Variants in ZBTB20 observed in about 807,000 individuals in gnomAD.
ZBTB20 encodes the protein zinc finger and BTB domain-containing protein 20.
In ZBTB20, 9 loss-of-function variants were observed where a neutral mutation model predicts 56.9. The observed-to-expected ratio is 0.16, with a 90% CI of 0.10 to 0.28. ZBTB20 has a LOEUF of 0.28. Among genes scored for constraint, ZBTB20 ranks in the 10% least tolerant of loss-of-function variants. ZBTB20 has a pLI of 1.00. For missense variants in ZBTB20, 655 were observed against 1,003.0 expected (o/e 0.65, Z 4.69); for synonymous variants, 417 against 420.7 (o/e 0.99, Z 0.11).
intron 6 of ZBTB20, among the ~76,000 whole-genome samples, chr3:114,628,586 A>C (rs964443430): frequency 2.0e-5 from 3 of 152,118 alleles, no homozygotes; most frequent in African/African-American, 7.2e-5. Flanking sequence ...TTTCACCTCC[A>C]CCACCCATTG....
intron 3 of ZBTB20, among the ~76,000 whole-genome samples, chr3:114,966,557 C>T (rs1057457022): frequency 2.0e-5 from 3 of 151,860 alleles, no homozygotes; most frequent in South Asian, 2.1e-4. Context: ...TTTATTTTAT[C>T]GGTGTGTAGG....
chr3:114,467,886 G>T (rs1292684178), intron 7 of ZBTB20, among the ~76,000 whole-genome samples: 1 of 152,268 alleles, frequency 6.6e-6, no homozygotes, highest in Admixed American at 6.5e-5. Flanking sequence ...TGTGCTAAAC[G>T]CTGGGATCAG....
At chr3:115,032,974 A>AAC (rs1388817940) in intron 2 of ZBTB20, among the ~76,000 whole-genome samples, 3 of 149,910 alleles carry the variant, frequency 2.0e-5, no homozygotes, top group African/African-American at 7.3e-5. Context: ...AAAAAAAAAA[A>AAC]AAACAAACTA....
intron 7 of ZBTB20, among the ~76,000 whole-genome samples, chr3:114,442,791 CT>C: frequency 6.6e-6 from 1 of 152,254 alleles, no homozygotes; most frequent in Non-Finnish European, 1.5e-5. Flanking sequence ...TCAGAGTCCA[CT>C]TTGTATGTTG....
chr3:115,141,600 C>G (rs567784838), intron 1 of ZBTB20, among the ~76,000 whole-genome samples: 1 of 152,270 alleles, frequency 6.6e-6, no homozygotes, highest in East Asian at 1.9e-4. Context: ...AGTAGGGTGA[C>G]TGACCCAGTG....
chr3:114,951,444 C>T (rs2077064268), intron 3 of ZBTB20, among the ~76,000 whole-genome samples: 1 of 152,024 alleles, frequency 6.6e-6, no homozygotes, highest in Admixed American at 6.6e-5. Context: ...ATTCTGGGCT[C>T]ATCTTTAGCT....
intron 4 of ZBTB20, among the ~76,000 whole-genome samples, chr3:114,833,218 G>C (rs943042870): frequency 2.0e-5 from 3 of 152,022 alleles, no homozygotes; most frequent in Non-Finnish European, 4.4e-5. Flanking sequence ...GTACAACTCA[G>C]GTTGCCGAAT....
intron 7 of ZBTB20, among the ~76,000 whole-genome samples, chr3:114,472,502 G>T (rs2040246699): frequency 6.6e-6 from 1 of 152,164 alleles, no homozygotes; most frequent in Non-Finnish European, 1.5e-5. Flanking sequence ...CTGAGGTCAG[G>T]TGTTCAAGAT....
chr3:114,377,309 G>A (rs897360018), intron 10 of ZBTB20, among the ~76,000 whole-genome samples: 4 of 152,172 alleles, frequency 2.6e-5, no homozygotes, highest in African/African-American at 9.7e-5. Context: ...TAGGCGCACT[G>A]CAAAGCAACA....
chr3:114,698,332 T>C (rs770755513), intron 5 of ZBTB20, among the ~76,000 whole-genome samples: 10 of 152,034 alleles, frequency 6.6e-5, no homozygotes, highest in Non-Finnish European at 1.3e-4. Flanking sequence ...ATAGGCAAAA[T>C]GAGGAAGAAC....
At chr3:114,495,316 T>C (rs1335461441) in intron 7 of ZBTB20, among the ~76,000 whole-genome samples, 1 of 152,124 alleles carries the variant, frequency 6.6e-6, no homozygotes, top group Non-Finnish European at 1.5e-5. Flanking sequence ...AGGCTTTGAT[T>C]TGAAGGCCCA....
chr3:115,074,977 A>G (rs1156824296), intron 1 of ZBTB20, among the ~76,000 whole-genome samples: 2 of 152,194 alleles, frequency 1.3e-5, no homozygotes, highest in African/African-American at 4.8e-5. Context: ...TCCCAGTCAC[A>G]GTAAAGATAT....
chr3:114,570,640 AACT>A (rs1265351376), intron 6 of ZBTB20, among the ~76,000 whole-genome samples: 2 of 152,140 alleles, frequency 1.3e-5, no homozygotes, highest in African/African-American at 4.8e-5. Context: ...TGCTGAATCT[AACT>A]TTATTTTAAA....
chr3:114,633,085 A>T (rs914697816), intron 6 of ZBTB20, among the ~76,000 whole-genome samples: 4 of 152,226 alleles, frequency 2.6e-5, no homozygotes, highest in African/African-American at 9.6e-5. Context: ...CTAAGGATCT[A>T]CTTTCAAGAT....
intron 3 of ZBTB20, among the ~76,000 whole-genome samples, chr3:114,919,339 A>T (rs2075866301): frequency 6.6e-6 from 1 of 152,164 alleles, no homozygotes; most frequent in Admixed American, 6.5e-5. Flanking sequence ...GACACAAAAA[A>T]TAGAGACATG....
intron 5 of ZBTB20, among the ~76,000 whole-genome samples, chr3:114,742,330 G>T (rs2066666493): frequency 6.6e-6 from 1 of 151,872 alleles, no homozygotes; most frequent in African/African-American, 2.4e-5. Flanking sequence ...AATGAAGCCG[G>T]GTAGGATACT....
At chr3:114,462,461 G>A (rs985581405) in intron 7 of ZBTB20, among the ~76,000 whole-genome samples, 6 of 152,184 alleles carry the variant, frequency 3.9e-5, no homozygotes, top group African/African-American at 1.4e-4. Flanking sequence ...TCTATGGCTT[G>A]TGGGATTCAG....
At chr3:114,486,736 T>C (rs2042192702) in intron 7 of ZBTB20, among the ~76,000 whole-genome samples, 1 of 152,162 alleles carries the variant, frequency 6.6e-6, no homozygotes, top group African/African-American at 2.4e-5. Context: ...CAAGGTTAAT[T>C]TTAAATTAGA....
chr3:114,709,570 A>C (rs1176956601), intron 5 of ZBTB20, among the ~76,000 whole-genome samples: 1 of 152,196 alleles, frequency 6.6e-6, no homozygotes, highest in Non-Finnish European at 1.5e-5. Context: ...TATTAATTCT[A>C]GTAAATAACC....
Sources: allele counts gnomAD v4.1 joint callset (sites outside exome capture counted in the v4.1 genomes callset), GRCh38; gene constraint gnomAD v4.1.1; transcripts MANE v1.5; gene names NCBI Gene and HGNC (gene_info 2026-07-23, HGNC 2026-07-21).